Variants in DHX30 observed in about 807,000 individuals in gnomAD.
DHX30 encodes the protein DExH-box helicase 30, also known as ATP-dependent RNA helicase DHX30.
In DHX30, 4 loss-of-function variants were observed where a neutral mutation model predicts 116.9. The observed-to-expected ratio is 0.03, with a 90% confidence interval of 0.02 to 0.08. The LOEUF is 0.08. DHX30 is among the 10% of genes least tolerant of loss of function. The pLI, the probability that DHX30 is intolerant of heterozygous loss-of-function variation, is 1.00. For missense variants in DHX30, 871 were observed against 1,595.1 expected (o/e 0.55, Z 7.73); for synonymous variants, 697 against 651.7 (o/e 1.07, Z -1.06).
chr3:47,847,915 A>G lies in DHX30; in HGVS notation c.2245A>G (p.Ser749Gly). The stretch of plus-strand genomic sequence containing the variant: ...CAATGACATCGTGCATGTGGTGGAC[A>G]GTGGGCTGCACAAGGAAGAACGCTA... ...TINDIVHVVD[S>G]GLHKEERYDL... Residue 749 changes from serine to glycine, a missense_variant, in exon 14 of 22, where the codon AGT (serine) becomes GGT (glycine). Physicochemically the swap from Ser to Gly is moderately conservative, Grantham distance 56 (BLOSUM62 0). Around this residue, in one of 13 missense-constraint regions of DHX30, gnomAD observed 20 missense variants for 82.2 expected, o/e 0.24. Coordinates refer to ENST00000445061, the MANE Select transcript of DHX30 (RefSeq NM_138615.3). The surrounding 1 kb of genome is among the most constrained non-coding windows in gnomAD (Gnocchi z 5.5). 1 of 1,614,192 alleles carries G rather than the reference A, an allele frequency of 6.2e-7. No homozygotes were observed. The highest frequency in any genetic ancestry group is 1.3e-5 in the African/African-American group (1 of 75,058).
chr3:47,829,001 G>T (rs1576488439), intron 5 of DHX30, 23 bp from the exon 6 acceptor site: 1 of 1,513,132 alleles, frequency 6.6e-7, no homozygotes, highest in South Asian at 1.1e-5. Flanking sequence ...CAAGACTTCT[G>T]ATTTCTCTCT....
At chr3:47,842,539 T>C (rs2037426128) in intron 8 of DHX30, 1 of 152,470 alleles carries the variant, frequency 6.6e-6, no homozygotes, top group African/African-American at 2.4e-5. Flanking sequence ...TTTACTTCTG[T>C]AGAATTATTA....
Position 47,850,017 on chromosome 3 carries a change from C to T in DHX30, c.3482C>T (p.Pro1161Leu). The change falls in exon 22 of 22, where the codon CCC (proline) becomes CTC (leucine). Residue 1161 changes from proline (P) to leucine (L), a missense_variant. This residue lies in a region of DHX30 where 52 missense variants were observed against 50.1 expected (regional missense o/e 1.04). Coordinates refer to ENST00000445061, the MANE Select transcript of DHX30 (RefSeq NM_138615.3). The part of the protein sequence containing the change: ...RSLRSELAAL[P>L]PSVQEEHGQL... ...CTGCGCAGCGAGCTGGCTGCACTTC[C>T]CCCCAGCGTACAGGAGGAGCACGGG... is the stretch of plus-strand genomic sequence containing the variant. 1.2e-6 allele frequency: 2 copies of T among 1,610,646 alleles called. No individual in the cohort carries two copies. Among genetic ancestry groups the T allele is most frequent in the Non-Finnish European group, 1.7e-6 (2 of 1,179,244 alleles).
intron 2 of DHX30, among the ~76,000 whole-genome samples, chr3:47,810,158 G>A (rs912542181): frequency 1.3e-5 from 2 of 152,162 alleles, no homozygotes. Flanking sequence ...GTCTTGACTA[G>A]GTTTTATGAA....
intron 8 of DHX30, 38 bp downstream of exon 8, chr3:47,841,775 T>C: frequency 6.2e-7 from 1 of 1,613,884 alleles, no homozygotes; most frequent in Non-Finnish European, 8.5e-7. Context: ...TGGGGGCCGT[T>C]TACTTGGTCA....
chr3:47,842,573 TAAACCTAAGTATA>T (rs1449074515), intron 8 of DHX30: 1 of 152,510 alleles, frequency 6.6e-6, no homozygotes, highest in Non-Finnish European at 1.5e-5. Flanking sequence ...CTCCCCTTCC[TAAACCTAAGTATA>T]AAAGTTAATC....
chr3:47,829,180 C>T (rs1249498081), intron 6 of DHX30, 46 bp downstream of exon 6: 4 of 1,087,114 alleles, frequency 3.7e-6, no homozygotes, highest in Admixed American at 5.4e-5. Flanking sequence ...CTCCTGGAAA[C>T]TCCTTGCCCT....
At position 47,805,360 on chromosome 3, in the gene DHX30, G is replaced by A; in HGVS notation, c.-88G>A. ...CAGCCTCGTGATGAGGAATAGCAAG[G>A]AGAGAATTCAGCTCCAGTTCAAAAG... On this transcript the variant is annotated 5_prime_UTR_variant, in exon 2 of 22. Transcript: ENST00000445061. 5.0e-6 allele frequency: 2 copies of A among 399,120 alleles called. No individual in the cohort carries two copies. The highest frequency in any genetic ancestry group is 7.1e-5 in the East Asian group (2 of 28,088). The allele number at this position is 399,120 out of a possible 1,614,324, so 24.7% of individuals were successfully genotyped here.
In DHX30 at chr3:47,848,614, G is replaced by A; in HGVS notation, c.2576-10G>A. 1.2e-6 allele frequency: 2 copies of A among 1,614,088 alleles called. No homozygotes were observed. The highest frequency in any genetic ancestry group is 8.5e-7 in the Non-Finnish European group (1 of 1,180,000). ...TCTCGAGGGTGGTACTGACAGCTGA[G>A]CCGTTGCAGGGGTGCTGGACCAGCG... On this transcript the variant is annotated splice_polypyrimidine_tract_variant and intron_variant, in intron 16 of 21. Coordinates refer to ENST00000445061, the MANE Select transcript of DHX30 (RefSeq NM_138615.3). This position sits in a 1 kb window ranked among gnomAD's most constrained non-coding sequence, Gnocchi z 9.4.
chr3:47,825,313 G>T (rs2036502790), intron 4 of DHX30: 9 of 538,512 alleles, frequency 1.7e-5, no homozygotes, highest in Non-Finnish European at 2.6e-5. Flanking sequence ...AGAGCTAGGG[G>T]CGCGGGCCGA....
In DHX30 at chr3:47,845,782, C is replaced by T. The variant is rs2037577664; in HGVS notation, c.1022C>T (p.Thr341Ile). Residue 341 changes from threonine (T) to isoleucine (I), a missense_variant, in exon 10 of 22, where the codon ACC (threonine) becomes ATC (isoleucine). Around this residue, in one of 13 missense-constraint regions of DHX30, gnomAD observed 175 missense variants for 292.9 expected, o/e 0.60. Coordinates refer to ENST00000445061, the MANE Select transcript of DHX30 (RefSeq NM_138615.3). ...NLASLRELGE[T>I]QRRPCTIQVP... Reference sequence around the variant, plus strand: ...GCCTCTTTGCGTGAGCTGGGTGAGACCCAGCGCCGACCATGCACCATCCAG... The same window carrying T: ...GCCTCTTTGCGTGAGCTGGGTGAGATCCAGCGCCGACCATGCACCATCCAG... The T allele has an allele frequency of 6.2e-7, 1 of 1,612,738 alleles. No homozygotes were observed. The highest frequency in any genetic ancestry group is 8.5e-7 in the Non-Finnish European group (1 of 1,178,870).
chr3:47,838,131 C>T (rs539585405), intron 6 of DHX30, among the ~76,000 whole-genome samples: 6 of 152,254 alleles, frequency 3.9e-5, no homozygotes, highest in African/African-American at 1.2e-4. Context: ...AGAAGGGAGG[C>T]GGTGACGCAA....
chr3:47,847,596 GGACT>G lies in DHX30; in HGVS notation c.2110+64_2110+67del. 1 of 1,498,366 alleles carries G rather than the reference GGACT, an allele frequency of 6.7e-7. No individual in the cohort carries two copies. The highest frequency in any genetic ancestry group is 9.0e-7 in the Non-Finnish European group (1 of 1,116,134). The allele number at this position is 1,498,366 out of a possible 1,614,324, so 92.8% of individuals were successfully genotyped here. On this transcript the variant is annotated intron_variant, in intron 13 of 21. Transcript: ENST00000445061. This position sits in a 1 kb window ranked among gnomAD's most constrained non-coding sequence, Gnocchi z 5.5. The stretch of plus-strand genomic sequence containing the variant: ...GAAACCAGCCTGACCTCTGTCCTAG[GGACT>G]GACCCAACTGGGACTCCAGGGGCCC...
rs547337299 is a variant in DHX30 at position 47,812,047 on chromosome 3, G to A, written c.28+1336G>A. Among the ~76,000 whole-genome samples the A allele has an allele frequency of 8.7e-4, 104 of 119,064 alleles. 3 individuals carry two copies. In the South Asian group the frequency reaches 0.032, roughly 36 times the overall value. 78.1% of individuals were successfully genotyped at this position (119,064 alleles called of 152,430 possible). A position where few individuals can be genotyped will look rare whatever the true frequency, so the allele number is the denominator to read the frequency against. On this transcript the variant is annotated intron_variant, in intron 3 of 21. Transcript: ENST00000445061. ...CCACTGCACTCCAGCCTGGGCAACA[G>A]AGCAAGACTCAGTCTCAAAAAAAAA...
intron 3 of DHX30, among the ~76,000 whole-genome samples, chr3:47,812,242 A>T (rs939469555): frequency 2.0e-5 from 3 of 151,442 alleles, no homozygotes; most frequent in Non-Finnish European, 4.4e-5. Flanking sequence ...ATAAATAAAT[A>T]AATAAATAAA....
In DHX30 at chr3:47,837,709, C is replaced by T. The variant is rs530563801; in HGVS notation, c.367-3168C>T. ...CTGGCAGGCAGAGGTTGCAGTGAGC[C>T]GAGATGATGCCATTGCACTCCAGCC... On this transcript the variant is annotated intron_variant, in intron 6 of 21. Transcript: ENST00000445061. 5.9e-5 allele frequency among the ~76,000 whole-genome samples: 9 copies of T among 152,216 alleles called. No individual in the cohort carries two copies. In the East Asian group the frequency reaches 1.4e-3, roughly 23 times the overall value.
intron 4 of DHX30, among the ~76,000 whole-genome samples, chr3:47,818,429 G>A (rs756849171): frequency 8.5e-5 from 13 of 152,224 alleles, no homozygotes; most frequent in Non-Finnish European, 1.8e-4. Context: ...TTGGGGCCTC[G>A]AGGCTCCTAG....
chr3:47,807,597 TG>T lies in DHX30; in HGVS notation c.-28+2179del, dbSNP rs1204567056. Among the ~76,000 whole-genome samples, 5 of 146,830 alleles carry T rather than the reference TG, an allele frequency of 3.4e-5. 1 individual carries two copies. The highest frequency in any genetic ancestry group is 1.3e-4 in the African/African-American group (5 of 39,616). On this transcript the variant is annotated intron_variant, in intron 2 of 21. Coordinates refer to ENST00000445061, the MANE Select transcript of DHX30 (RefSeq NM_138615.3). ...GCGTGTGCCTGTAGTCCCAGCTACT[TG>T]GAAGGCTGAGACAGGAGAATAGCTT...
At chr3:47,815,493 A>T (rs935298667) in intron 3 of DHX30, among the ~76,000 whole-genome samples, 1 of 152,082 alleles carries the variant, frequency 6.6e-6, no homozygotes, top group African/African-American at 2.4e-5. Context: ...TCTGATGGAA[A>T]CAGCTATAGC....
Sources: gnomAD v4.1 joint callset for allele counts (sites outside exome capture counted in the v4.1 genomes callset) on GRCh38, gnomAD v4.1.1 for gene constraint, gnomAD v4.1.1 regional missense constraint, Gnocchi (gnomAD v3.1) non-coding constraint, MANE v1.5 for transcripts, NCBI Gene and HGNC (gene_info 2026-07-23, HGNC 2026-07-21) for gene names.